The following C9orf153 variants were observed in gnomAD, a reference collection of about 807,000 sequenced individuals.
The protein encoded by C9orf153 is uncharacterized protein C9orf153.
C9orf153 carries 10 observed loss-of-function variants against 9.0 expected under a neutral mutation model. The ratio of observed to expected loss-of-function variants is 1.11; its 90% CI spans 0.69 to 1.89. The LOEUF (loss-of-function observed/expected upper bound fraction) is 1.89. Ranked by LOEUF, C9orf153 falls within the 40% of genes most tolerant of loss-of-function variation. The pLI is 0.00. For synonymous variants in C9orf153, 35 were observed against 37.3 expected, an observed-to-expected ratio of 0.94 and a Z score of 0.23; for missense variants, 108 against 111.0, an observed-to-expected ratio of 0.97 and a Z score of 0.12.
intron 1 of C9orf153, among the ~76,000 whole-genome samples, chr9:86,258,180 A>G (rs996472647): frequency 6.6e-6 from 1 of 152,002 alleles, no homozygotes; most frequent in Non-Finnish European, 1.5e-5. Context: ...TGTCTCTACT[A>G]ACAATACAAA....
intron 1 of C9orf153, among the ~76,000 whole-genome samples, chr9:86,246,954 T>C (rs1441484108): frequency 6.6e-6 from 1 of 152,222 alleles, no homozygotes; most frequent in Non-Finnish European, 1.5e-5. Flanking sequence ...AGAGGCAGGC[T>C]CCCAGGGGAC....
intron 3 of C9orf153, among the ~76,000 whole-genome samples, 182 bp from the exon 4 acceptor site, chr9:86,221,915 T>C (rs542801371): frequency 6.6e-6 from 1 of 152,296 alleles, no homozygotes; most frequent in Non-Finnish European, 1.5e-5. Flanking sequence ...GACGGAGTTT[T>C]GCTCTTGTTG....
At chr9:86,231,893 G>A (rs1173735103) in intron 1 of C9orf153, among the ~76,000 whole-genome samples, 2 of 152,094 alleles carry the variant, frequency 1.3e-5, no homozygotes, top group East Asian at 3.9e-4. Context: ...CATTGCTATT[G>A]TCTTTCAGAC....
chr9:86,248,090 AG>A (rs1452960087), intron 1 of C9orf153, among the ~76,000 whole-genome samples: 1 of 152,046 alleles, frequency 6.6e-6, no homozygotes, highest in Non-Finnish European at 1.5e-5. Context: ...GTCTGCACTG[AG>A]GGTAGGGGTT....
chr9:86,223,575 G>C (rs1024371128), intron 3 of C9orf153, among the ~76,000 whole-genome samples: 1 of 152,172 alleles, frequency 6.6e-6, no homozygotes, highest in East Asian at 1.9e-4. Context: ...CTGCTATAGA[G>C]GGGGGAGCTA....
chr9:86,242,086 T>C (rs2131194077), intron 1 of C9orf153, among the ~76,000 whole-genome samples: 1 of 152,286 alleles, frequency 6.6e-6, no homozygotes, highest in South Asian at 2.1e-4. Context: ...CAACTTTAAA[T>C]AGGGTGGTTG....
At chr9:86,225,686 T>A (rs942114789) in intron 3 of C9orf153, among the ~76,000 whole-genome samples, 5 of 152,148 alleles carry the variant, frequency 3.3e-5, no homozygotes, top group Admixed American at 3.3e-4. Context: ...GGTTTCACCA[T>A]GTTGTCCAGG....
Position 86,235,260 on chromosome 9 carries a change from G to A in C9orf153, c.-26-5631C>T, listed in dbSNP as rs149573644. Among the ~76,000 whole-genome samples, 50 of 152,276 alleles carry A rather than the reference G, an allele frequency of 3.3e-4. 2 individuals carry two copies. The highest frequency in any genetic ancestry group is 2.8e-3 in the Admixed American group (43 of 15,286). On this transcript the variant is annotated intron_variant, in intron 1 of 3. Transcript: ENST00000339137. ...TGTGCTAAGGACTCTCATGGGAAAC[G>A]TAGACAGCATGCAAGAATAGACAGG...
chr9:86,255,427 T>G (rs1825100111), intron 1 of C9orf153, among the ~76,000 whole-genome samples: 1 of 152,220 alleles, frequency 6.6e-6, no homozygotes, highest in South Asian at 2.1e-4. Flanking sequence ...TGGCTTCTTC[T>G]GAGCCTTCCC....
intron 1 of C9orf153, among the ~76,000 whole-genome samples, 186 bp downstream of exon 1, chr9:86,259,364 G>GA (rs1413830264): frequency 6.6e-6 from 1 of 152,114 alleles, no homozygotes; most frequent in Admixed American, 6.5e-5. Context: ...GGAGGAAGAT[G>GA]AAACAGGCTC....
At chr9:86,229,068 A>G (rs182104033) in intron 2 of C9orf153, 1 of 165,666 alleles carries the variant, frequency 6.0e-6, no homozygotes, top group Admixed American at 6.4e-5. Flanking sequence ...CAAATTGTGT[A>G]TCTGTCTTGT....
At chr9:86,221,842 C>A in intron 3 of C9orf153, 109 bp from the exon 4 acceptor site, 1 of 592,178 alleles carries the variant, frequency 1.7e-6, no homozygotes, top group Non-Finnish European at 2.9e-6. Context: ...CGAGTCCCCT[C>A]TTTCTGGCAG....
intron 1 of C9orf153, among the ~76,000 whole-genome samples, chr9:86,231,098 A>G (rs1313017264): frequency 6.6e-6 from 1 of 152,178 alleles, no homozygotes; most frequent in Non-Finnish European, 1.5e-5. Context: ...ATTGACCACT[A>G]GACATGTAGA....
At chr9:86,233,181 T>C (rs1293947713) in intron 1 of C9orf153, among the ~76,000 whole-genome samples, 1 of 152,174 alleles carries the variant, frequency 6.6e-6, no homozygotes, top group Non-Finnish European at 1.5e-5. Context: ...TTTGCAAATA[T>C]GTAAAATGTT....
At chr9:86,240,443 C>T (rs1323781679) in intron 1 of C9orf153, among the ~76,000 whole-genome samples, 1 of 145,232 alleles carries the variant, frequency 6.9e-6, no homozygotes, top group Admixed American at 7.2e-5. Flanking sequence ...GTGGCGCTAT[C>T]TCGGCTCACT....
intron 1 of C9orf153, among the ~76,000 whole-genome samples, chr9:86,235,141 A>T (rs541579570): frequency 6.6e-6 from 1 of 152,294 alleles, no homozygotes. Flanking sequence ...AAAAAAACAG[A>T]GTTTGAAGAG....
intron 2 of C9orf153, among the ~76,000 whole-genome samples, chr9:86,229,268 A>AG (rs60000202): frequency 1.3e-5 from 2 of 151,634 alleles, no homozygotes; most frequent in Admixed American, 1.3e-4. Context: ...AAGAAAAAAA[A>AG]AAAAAAGAAA....
chr9:86,257,760 A>G (rs750550194), intron 1 of C9orf153, among the ~76,000 whole-genome samples: 12 of 152,194 alleles, frequency 7.9e-5, no homozygotes, highest in Non-Finnish European at 1.5e-4. Flanking sequence ...AAAATATGAC[A>G]ATCAGACTTA....
In C9orf153 at chr9:86,244,889, C is replaced by T. The variant is rs781361555; in HGVS notation, c.-27+14661G>A. On this transcript the variant is annotated intron_variant, in intron 1 of 3. Coordinates refer to ENST00000339137, the MANE Select transcript of C9orf153 (RefSeq NM_001276366.4). Reference sequence around the variant, plus strand: ...CATTTCTGCATGTGTTTGAACCTTACGTAAACAAAAGCATCCTATAGATAT... The same window carrying T: ...CATTTCTGCATGTGTTTGAACCTTATGTAAACAAAAGCATCCTATAGATAT... Among the ~76,000 whole-genome samples the T allele has an allele frequency of 3.6e-4, 55 of 152,200 alleles. 1 individual carries two copies. Among genetic ancestry groups the T allele is most frequent in the Middle Eastern group, 3.2e-3 (1 of 316 alleles).
Sources: allele counts gnomAD v4.1 joint callset (sites outside exome capture counted in the v4.1 genomes callset), GRCh38; gene constraint gnomAD v4.1.1; transcripts MANE v1.5; gene names NCBI Gene and HGNC (gene_info 2026-07-23, HGNC 2026-07-21).